Variants in RMDN2 observed in about 807,000 individuals in gnomAD.
The protein encoded by RMDN2 is regulator of microtubule dynamics 2.
A neutral mutation model predicts 52.8 loss-of-function variants in RMDN2; 61 were observed. The ratio of observed to expected loss-of-function variants is 1.16; its 90% CI spans 0.94 to 1.43. The LOEUF is 1.43. Among genes scored for constraint, RMDN2 ranks in the 40% most tolerant of loss-of-function variants. The pLI is 0.00. For missense variants in RMDN2, 592 were observed against 475.3 expected, an observed-to-expected ratio of 1.25 and a Z score of -2.28; for synonymous variants, 180 against 153.1, an observed-to-expected ratio of 1.18 and a Z score of -1.30.
intron 10 of RMDN2, chr2:38,027,939 T>C (rs1357488282): frequency 6.6e-6 from 1 of 152,146 alleles, no homozygotes; most frequent in Non-Finnish European, 1.5e-5. Flanking sequence ...GAGCCCAACA[T>C]TGACTGTCCT....
At chr2:38,039,093 C>CACAG (rs1317093706) in intron 10 of RMDN2, among the ~76,000 whole-genome samples, 35 of 91,686 alleles carry the variant, frequency 3.8e-4, no homozygotes, top group East Asian at 1.8e-3. Flanking sequence ...CACACACACA[C>CACAG]AGAGAGAGAG....
chr2:37,938,232 C>T (rs1667476015), intron 2 of RMDN2, among the ~76,000 whole-genome samples: 1 of 152,046 alleles, frequency 6.6e-6, no homozygotes, highest in African/African-American at 2.4e-5. Flanking sequence ...GCCTTGCATC[C>T]CAGGGATGAA....
At chr2:37,967,780 G>A (rs1671260004) in intron 2 of RMDN2, among the ~76,000 whole-genome samples, 1 of 152,048 alleles carries the variant, frequency 6.6e-6, no homozygotes, top group South Asian at 2.1e-4. Context: ...ATTTGATTTG[G>A]CTCTTTTCAA....
intron 2 of RMDN2, among the ~76,000 whole-genome samples, chr2:37,968,830 A>G (rs1397683470): frequency 6.6e-6 from 1 of 152,266 alleles, no homozygotes; most frequent in Non-Finnish European, 1.5e-5. Flanking sequence ...CAGATAATCT[A>G]TGAAATGCCT....
chr2:38,039,304 C>G (rs1485025253), intron 10 of RMDN2: 1 of 152,058 alleles, frequency 6.6e-6, no homozygotes, highest in East Asian at 1.9e-4. Flanking sequence ...AAATGGGATT[C>G]TAACTCACAC....
chr2:37,990,613 A>G (rs980366961), intron 6 of RMDN2, among the ~76,000 whole-genome samples: 1 of 150,836 alleles, frequency 6.6e-6, no homozygotes, highest in Admixed American at 6.6e-5. Flanking sequence ...ATCTCTGCAT[A>G]TTGATTTGGT....
chr2:37,971,646 C>T (rs1317382964), intron 2 of RMDN2, among the ~76,000 whole-genome samples: 1 of 152,118 alleles, frequency 6.6e-6, no homozygotes, highest in Non-Finnish European at 1.5e-5. Flanking sequence ...TGCCAACTCT[C>T]CCATGTACCA....
At chr2:37,934,344 A>G (rs2124906738) in intron 2 of RMDN2, among the ~76,000 whole-genome samples, 2 of 152,294 alleles carry the variant, frequency 1.3e-5, no homozygotes, top group South Asian at 4.1e-4. Flanking sequence ...TTATGGACCT[A>G]TGCACTTATG....
chr2:37,926,792 C>T lies in RMDN2; in HGVS notation c.-17+1367C>T, dbSNP rs1419185293. On this transcript the variant is annotated intron_variant, in intron 1 of 10. Transcript: ENST00000354545. ...CTCTACAAGTAATGTAAAAATTAGC[C>T]GGGCGTGGTTGCCCACGCTTGTGGT... is the stretch of plus-strand genomic sequence containing the variant. Among the ~76,000 whole-genome samples, 6 of 152,136 alleles carry T rather than the reference C, an allele frequency of 3.9e-5. No homozygotes were observed. In the East Asian group the frequency reaches 5.8e-4, roughly 15 times the overall value.
At chr2:37,928,335 G>C (rs1055893080) in intron 1 of RMDN2, among the ~76,000 whole-genome samples, 2 of 152,154 alleles carry the variant, frequency 1.3e-5, no homozygotes, top group Non-Finnish European at 1.5e-5. Flanking sequence ...ATCCTAACCA[G>C]TAGACCACCA....
intron 2 of RMDN2, among the ~76,000 whole-genome samples, chr2:37,965,028 C>G (rs181413693): frequency 9.9e-5 from 15 of 152,176 alleles, no homozygotes; most frequent in Non-Finnish European, 2.1e-4. Flanking sequence ...TCTATTTTGT[C>G]TACTAGTATA....
At chr2:38,027,806 G>T (rs73926975) in intron 10 of RMDN2, among the ~76,000 whole-genome samples, 269 of 152,178 alleles carry the variant, frequency 1.8e-3, no homozygotes, top group African/African-American at 5.9e-3. Flanking sequence ...GCTGAAAATC[G>T]CATGTGGAAA....
intron 10 of RMDN2, among the ~76,000 whole-genome samples, chr2:38,026,584 A>T (rs1199062412): frequency 6.6e-6 from 1 of 151,628 alleles, no homozygotes; most frequent in Non-Finnish European, 1.5e-5. Context: ...TTGATATAAG[A>T]CTTTACTTGT....
chr2:37,957,034 T>C (rs1320807510), intron 2 of RMDN2, among the ~76,000 whole-genome samples: 3 of 152,226 alleles, frequency 2.0e-5, no homozygotes, highest in Non-Finnish European at 4.4e-5. Flanking sequence ...ATGTGCCACA[T>C]TTTCTTTATT....
chr2:38,038,241 G>A (rs1459554372), intron 10 of RMDN2, among the ~76,000 whole-genome samples: 2 of 152,176 alleles, frequency 1.3e-5, no homozygotes, highest in African/African-American at 4.8e-5. Flanking sequence ...CTCTCCTGGA[G>A]GGAGCGCAGC....
At chr2:38,013,560 T>G (rs563129847) in intron 10 of RMDN2, among the ~76,000 whole-genome samples, 1 of 152,236 alleles carries the variant, frequency 6.6e-6, no homozygotes, top group Admixed American at 6.5e-5. Flanking sequence ...CCAACCTGTT[T>G]TATGAGTTGA....
intron 8 of RMDN2, chr2:37,998,030 A>G (rs952726360): frequency 6.1e-6 from 1 of 162,846 alleles, no homozygotes; most frequent in African/African-American, 2.4e-5. Flanking sequence ...ATCCTGTCTT[A>G]AAATGTATAA....
chr2:38,017,093 A>T (rs866675367), intron 10 of RMDN2, 93 bp from the exon 11 acceptor site: 1 of 620,172 alleles, frequency 1.6e-6, no homozygotes, highest in Middle Eastern at 4.7e-4. Context: ...CATGTTGGGG[A>T]ATCTCCTCAA....
chr2:37,977,509 C>A (rs563344121), intron 4 of RMDN2, among the ~76,000 whole-genome samples: 3 of 151,322 alleles, frequency 2.0e-5, no homozygotes, highest in Non-Finnish European at 4.4e-5. Flanking sequence ...GGCGGAGACG[C>A]GCCTCACTTC....
Sources: allele counts gnomAD v4.1 joint callset (sites outside exome capture counted in the v4.1 genomes callset), GRCh38; gene constraint gnomAD v4.1.1; transcripts MANE v1.5; gene names NCBI Gene and HGNC (gene_info 2026-07-23, HGNC 2026-07-21).